GALNT13: variants seen among roughly 807,000 people sequenced by gnomAD.
The protein encoded by GALNT13 is polypeptide N-acetylgalactosaminyltransferase 13, also known as UDP-GalNAc:polypeptide N-acetylgalactosaminyltransferase 13.
GALNT13 carries 28 observed loss-of-function variants against 64.2 expected under a neutral mutation model. The observed-to-expected ratio is 0.44, with a 90% CI of 0.32 to 0.60. The LOEUF is 0.60. Among genes scored for constraint, GALNT13 ranks in the 20% least tolerant of loss-of-function variants. GALNT13 has a pLI of 0.05. For missense variants in GALNT13, 577 were observed against 669.8 expected, an observed-to-expected ratio of 0.86 and a Z score of 1.53; for synonymous variants, 214 against 224.6, an observed-to-expected ratio of 0.95 and a Z score of 0.42.
intron 3 of GALNT13, among the ~76,000 whole-genome samples, chr2:154,003,628 C>T (rs1696059483): frequency 6.6e-6 from 1 of 152,130 alleles, no homozygotes; most frequent in Admixed American, 6.5e-5. Flanking sequence ...TGTGGTTTGT[C>T]TCTGTGTCCT....
At chr2:153,473,036 G>T in the GALNT13 span, among the ~76,000 whole-genome samples, 3 of 152,132 alleles carry the variant, frequency 2.0e-5, no homozygotes, top group Middle Eastern at 6.9e-3. Flanking sequence ...GCTTGTCGGC[G>T]GGTGGGGGGC....
chr2:153,317,867 A>G, the GALNT13 span, among the ~76,000 whole-genome samples: 1 of 152,110 alleles, frequency 6.6e-6, no homozygotes, highest in Non-Finnish European at 1.5e-5. Flanking sequence ...GTCTTATGGG[A>G]AAGAGAGAAT....
At chr2:153,422,376 A>G in the GALNT13 span, among the ~76,000 whole-genome samples, 1 of 152,246 alleles carries the variant, frequency 6.6e-6, no homozygotes, top group East Asian at 1.9e-4. Context: ...ACCAATAGCT[A>G]TCCCATCAGG....
chr2:154,096,809 A>C (rs1215272568), intron 3 of GALNT13, among the ~76,000 whole-genome samples: 2 of 152,050 alleles, frequency 1.3e-5, no homozygotes, highest in Non-Finnish European at 2.9e-5. Context: ...ATATCTGAAA[A>C]GGTCTTAATA....
chr2:153,181,021 T>C, the GALNT13 span, among the ~76,000 whole-genome samples: 1 of 131,220 alleles, frequency 7.6e-6, no homozygotes, highest in Non-Finnish European at 1.6e-5. Context: ...TTTCTGGTTT[T>C]TATTGTTTCT....
chr2:153,970,956 A>G (rs1189394577), intron 3 of GALNT13, among the ~76,000 whole-genome samples: 1 of 152,184 alleles, frequency 6.6e-6, no homozygotes, highest in East Asian at 1.9e-4. Flanking sequence ...AGTAGAAACA[A>G]AAGTTATTAT....
the GALNT13 span, among the ~76,000 whole-genome samples, chr2:153,788,267 G>A: frequency 2.8e-4 from 42 of 152,276 alleles, no homozygotes; most frequent in Middle Eastern, 3.4e-3. Context: ...CTGTAAGACC[G>A]AAGAGATTGC....
chr2:154,377,580 G>A (rs1698060659), intron 9 of GALNT13, among the ~76,000 whole-genome samples: 1 of 152,020 alleles, frequency 6.6e-6, no homozygotes, highest in African/African-American at 2.4e-5. Flanking sequence ...ATGAGACTTC[G>A]CTAAAGCCTA....
the GALNT13 span, among the ~76,000 whole-genome samples, chr2:153,110,472 G>T: frequency 1.3e-5 from 2 of 152,018 alleles, no homozygotes; most frequent in African/African-American, 4.8e-5. Flanking sequence ...AGTAAAATTT[G>T]GTCTGTTTTT....
At chr2:154,027,653 A>G (rs1698066423) in intron 3 of GALNT13, among the ~76,000 whole-genome samples, 1 of 152,188 alleles carries the variant, frequency 6.6e-6, no homozygotes, top group African/African-American at 2.4e-5. Context: ...AGTTATTTTC[A>G]GAAGGAAATA....
chr2:154,348,574 G>A (rs1236944609), intron 9 of GALNT13, among the ~76,000 whole-genome samples: 2 of 151,948 alleles, frequency 1.3e-5, no homozygotes, highest in Admixed American at 1.3e-4. Flanking sequence ...CCCTGACCCC[G>A]AAGTCTGTCA....
chr2:154,289,820 G>A (rs2105958016), intron 8 of GALNT13, among the ~76,000 whole-genome samples: 1 of 152,318 alleles, frequency 6.6e-6, no homozygotes, highest in South Asian at 2.1e-4. Context: ...TTATTTTCTT[G>A]CAGAGAAGCT....
At chr2:154,060,701 T>C (rs979781987) in intron 3 of GALNT13, among the ~76,000 whole-genome samples, 2 of 152,028 alleles carry the variant, frequency 1.3e-5, no homozygotes, top group East Asian at 3.9e-4. Flanking sequence ...TAGAAGACCA[T>C]TGAAAAGAAG....
At chr2:153,128,402 G>T in the GALNT13 span, among the ~76,000 whole-genome samples, 1 of 152,028 alleles carries the variant, frequency 6.6e-6, no homozygotes, top group Admixed American at 6.6e-5. Context: ...TATCTTGTGA[G>T]ACTTATTCAC....
the GALNT13 span, among the ~76,000 whole-genome samples, chr2:153,273,086 A>C: frequency 1.3e-5 from 2 of 152,160 alleles, no homozygotes; most frequent in Admixed American, 6.5e-5. Context: ...CAATGAGAAC[A>C]CATGGACACA....
intron 9 of GALNT13, among the ~76,000 whole-genome samples, chr2:154,359,586 C>A (rs1696946341): frequency 6.6e-6 from 1 of 152,134 alleles, no homozygotes; most frequent in Non-Finnish European, 1.5e-5. Context: ...GGTAAAATTT[C>A]TCAGATCATC....
the GALNT13 span, among the ~76,000 whole-genome samples, chr2:153,410,452 A>G: frequency 2.0e-5 from 3 of 152,208 alleles, no homozygotes; most frequent in African/African-American, 7.2e-5. Flanking sequence ...TAAGAGTACA[A>G]GAGAGAGCTT....
chr2:154,042,545 A>T (rs1206882429), intron 3 of GALNT13, among the ~76,000 whole-genome samples: 1 of 137,120 alleles, frequency 7.3e-6, no homozygotes, highest in African/African-American at 2.5e-5. Context: ...AGACAATATC[A>T]TAATCTTTTT....
At chr2:154,335,532 T>C (rs529819310) in intron 9 of GALNT13, among the ~76,000 whole-genome samples, 2 of 152,136 alleles carry the variant, frequency 1.3e-5, no homozygotes, top group East Asian at 3.9e-4. Flanking sequence ...AGGTGAGTTA[T>C]TACACTGCCA....
Sources: gnomAD v4.1 joint callset for allele counts (sites outside exome capture counted in the v4.1 genomes callset) on GRCh38, gnomAD v4.1.1 for gene constraint, MANE v1.5 for transcripts, NCBI Gene and HGNC (gene_info 2026-07-23, HGNC 2026-07-21) for gene names.